HPSE2: variants seen among roughly 807,000 people sequenced by gnomAD.
HPSE2 encodes the protein heparanase 2 (inactive).
HPSE2 carries 38 observed loss-of-function variants against 60.5 expected under a neutral mutation model. The observed-to-expected ratio is 0.63, with a 90% CI of 0.48 to 0.82. HPSE2 has a LOEUF of 0.82. HPSE2 is among the 40% of genes least tolerant of loss of function. HPSE2 has a pLI of 0.00. For missense variants in HPSE2, 713 were observed against 740.4 expected, an observed-to-expected ratio of 0.96 and a Z score of 0.43; for synonymous variants, 295 against 293.2, an observed-to-expected ratio of 1.01 and a Z score of -0.06.
intron 5 of HPSE2, among the ~76,000 whole-genome samples, chr10:98,718,684 C>T (rs1948848766): frequency 6.6e-6 from 1 of 151,966 alleles, no homozygotes; most frequent in Non-Finnish European, 1.5e-5. Flanking sequence ...ACAAGCCAGG[C>T]ACAAAAAGAC....
chr10:98,668,710 A>G (rs1375113020), intron 6 of HPSE2, among the ~76,000 whole-genome samples: 2 of 152,210 alleles, frequency 1.3e-5, no homozygotes, highest in African/African-American at 4.8e-5. Flanking sequence ...CCATATGCAA[A>G]ATAATGAATC....
At chr10:98,958,007 G>C (rs1039526753) in intron 3 of HPSE2, among the ~76,000 whole-genome samples, 5 of 152,136 alleles carry the variant, frequency 3.3e-5, no homozygotes, top group Admixed American at 3.3e-4. Context: ...CAGCTGGAGA[G>C]GTTGTCTCTT....
the HPSE2 span, among the ~76,000 whole-genome samples, chr10:99,287,585 C>T: frequency 2.6e-5 from 4 of 152,108 alleles, no homozygotes; most frequent in African/African-American, 7.2e-5. Context: ...CTGGAGTCAT[C>T]CAGCTATGTT....
At chr10:98,542,345 G>A (rs1387677117) in intron 9 of HPSE2, among the ~76,000 whole-genome samples, 1 of 151,192 alleles carries the variant, frequency 6.6e-6, no homozygotes, top group Non-Finnish European at 1.5e-5. Context: ...CATCATCAAA[G>A]ACCAAAAGTA....
chr10:98,837,410 C>A (rs912359451), intron 3 of HPSE2, among the ~76,000 whole-genome samples: 2 of 152,178 alleles, frequency 1.3e-5, no homozygotes, highest in African/African-American at 2.4e-5. Flanking sequence ...ATGGGGCAGG[C>A]ATCAGAAAAA....
At chr10:98,952,772 T>C (rs1234720099) in intron 3 of HPSE2, among the ~76,000 whole-genome samples, 1 of 152,206 alleles carries the variant, frequency 6.6e-6, no homozygotes, top group Non-Finnish European at 1.5e-5. Flanking sequence ...CTTCTTGCTG[T>C]GTCCTCACAT....
chr10:99,254,722 A>G, the HPSE2 span, among the ~76,000 whole-genome samples: 1 of 152,220 alleles, frequency 6.6e-6, no homozygotes, highest in Non-Finnish European at 1.5e-5. Flanking sequence ...ACAATGGAAT[A>G]CTATCTGACA....
intron 3 of HPSE2, among the ~76,000 whole-genome samples, chr10:98,950,529 C>T (rs527414906): frequency 2.8e-4 from 43 of 152,112 alleles, no homozygotes; most frequent in African/African-American, 1.0e-3. Context: ...TTGAAAAAAT[C>T]AATTATAGTT....
At chr10:99,138,211 G>C (rs1845732721) in intron 3 of HPSE2, among the ~76,000 whole-genome samples, 2 of 152,210 alleles carry the variant, frequency 1.3e-5, no homozygotes. Flanking sequence ...ACGCCAGTTA[G>C]AATGGTGATC....
At chr10:99,148,972 A>T (rs1846160190) in intron 2 of HPSE2, among the ~76,000 whole-genome samples, 1 of 151,986 alleles carries the variant, frequency 6.6e-6, no homozygotes, top group Admixed American at 6.6e-5. Context: ...ACCACTAAAG[A>T]ACTTATGCAT....
At chr10:98,734,395 T>C (rs1004736231) in intron 4 of HPSE2, among the ~76,000 whole-genome samples, 2 of 152,220 alleles carry the variant, frequency 1.3e-5, no homozygotes, top group Non-Finnish European at 2.9e-5. Context: ...GGTTACTTGG[T>C]AATTTTATGT....
chr10:98,978,580 C>T (rs1217074605), intron 3 of HPSE2, among the ~76,000 whole-genome samples: 1 of 152,128 alleles, frequency 6.6e-6, no homozygotes, highest in Admixed American at 6.6e-5. Context: ...CTTACTTCAG[C>T]TTCTATATGG....
chr10:98,721,665 G>C lies in HPSE2; in HGVS notation c.948C>G (p.Leu316=), dbSNP rs1948927026. The part of the protein sequence containing the change: ...IGRPRKNVIA[L]LDGFMKVAGS... ...TAAATAATCTGACCTACCCATCTAG[G>C]AGGGCGATGACATTCTTCCTCGGCC... is the stretch of plus-strand genomic sequence containing the variant. Residue 316 remains leucine, a synonymous_variant, in exon 5 of 12, where the codon CTC becomes CTG. Coordinates refer to ENST00000370552, the MANE Select transcript of HPSE2 (RefSeq NM_021828.5). 1.2e-6 allele frequency: 2 copies of C among 1,613,216 alleles called. No homozygotes were observed. The highest frequency in any genetic ancestry group is 2.7e-5 in the African/African-American group (2 of 74,784).
intron 3 of HPSE2, among the ~76,000 whole-genome samples, chr10:99,006,036 A>G (rs1956884487): frequency 6.6e-6 from 1 of 152,148 alleles, no homozygotes; most frequent in Non-Finnish European, 1.5e-5. Flanking sequence ...CCTGGAGCCT[A>G]GGTCACAGAG....
At chr10:98,572,680 A>G (rs567448138) in intron 9 of HPSE2, among the ~76,000 whole-genome samples, 1 of 152,292 alleles carries the variant, frequency 6.6e-6, no homozygotes, top group East Asian at 1.9e-4. Context: ...ACAGATTTTA[A>G]TTTCCTAACA....
At chr10:98,781,306 T>TTTTTTTTTA (rs66481971) in intron 3 of HPSE2, among the ~76,000 whole-genome samples, 8 of 120,100 alleles carry the variant, frequency 6.7e-5, no homozygotes, top group African/African-American at 9.5e-5. Context: ...TTTTTTTTTT[T>TTTTTTTTTA]ATTTTTAAAT....
intron 4 of HPSE2, among the ~76,000 whole-genome samples, chr10:98,737,744 A>G (rs1949394460): frequency 2.6e-5 from 4 of 152,130 alleles, no homozygotes. Flanking sequence ...AAGAGAAAAA[A>G]CCACCTAGGA....
chr10:98,890,427 T>C (rs1953301214), intron 3 of HPSE2, among the ~76,000 whole-genome samples: 2 of 152,242 alleles, frequency 1.3e-5, no homozygotes. Flanking sequence ...ATATGAATGA[T>C]ATAGTACTAA....
intron 3 of HPSE2, among the ~76,000 whole-genome samples, chr10:98,794,484 A>AC (rs1218858683): frequency 6.6e-5 from 10 of 151,990 alleles, no homozygotes; most frequent in Non-Finnish European, 1.3e-4. Flanking sequence ...GCCTCAAGTG[A>AC]CCCACCTGCC....
Sources: gnomAD v4.1 joint callset for allele counts (sites outside exome capture counted in the v4.1 genomes callset) on GRCh38, gnomAD v4.1.1 for gene constraint, MANE v1.5 for transcripts, NCBI Gene and HGNC (gene_info 2026-07-23, HGNC 2026-07-21) for gene names.